The following TBC1D21 variants were observed in gnomAD, a reference collection of about 807,000 sequenced individuals.
TBC1D21 encodes male germ cell Rab GTPase-activating protein.
TBC1D21 carries 38 observed loss-of-function variants against 46.0 expected under a neutral mutation model. The observed-to-expected ratio is 0.83, with a 90% confidence interval of 0.64 to 1.08. The LOEUF is 1.08. Among genes scored for constraint, TBC1D21 ranks in the 50% least tolerant of loss-of-function variants. The probability of loss-of-function intolerance (pLI) is 0.00; values close to 1 mark genes in which losing one functional copy is unlikely to be tolerated. For missense variants in TBC1D21, 415 were observed against 417.9 expected (o/e 0.99, Z 0.06); for synonymous variants, 151 against 157.2 (o/e 0.96, Z 0.29).
At chr15:73,874,621 G>C (rs773731558) in intron 1 of TBC1D21, among the ~76,000 whole-genome samples, 2 of 152,112 alleles carry the variant, frequency 1.3e-5, no homozygotes, top group South Asian at 2.1e-4. Context: ...CCAGACAGGT[G>C]GGGTGCAAAA....
downstream of TBC1D21, among the ~76,000 whole-genome samples, chr15:73,893,163 T>C (rs1444153947): frequency 6.6e-6 from 1 of 151,840 alleles, no homozygotes; most frequent in Non-Finnish European, 1.5e-5. Context: ...GAGGAAAAGA[T>C]GAGATTCAAG....
the TBC1D21 span, among the ~76,000 whole-genome samples, chr15:73,905,749 G>C: frequency 6.6e-6 from 1 of 152,148 alleles, no homozygotes; most frequent in Non-Finnish European, 1.5e-5. Flanking sequence ...ACCCTGAGCA[G>C]ATTTGTGGGT....
rs770179442 is a variant in TBC1D21 at position 73,873,686 on chromosome 15, G to T, written c.-24G>T. On this transcript the variant is annotated 5_prime_UTR_variant, in exon 1 of 11. Transcript: ENST00000300504. ...GGCTCCAAGTGAGTTCTGATCAGAG[G>T]CTGTTCGGAAGACAGCAGGGGCCAT... The T allele has an allele frequency of 6.3e-7, 1 of 1,592,688 alleles. No individual in the cohort carries two copies. Among genetic ancestry groups the T allele is most frequent in the South Asian group, 1.1e-5 (1 of 88,134 alleles).
the TBC1D21 span, among the ~76,000 whole-genome samples, chr15:73,905,347 CT>C: frequency 2.0e-5 from 3 of 152,160 alleles, no homozygotes; most frequent in Admixed American, 2.0e-4. Context: ...CTGATTGTTT[CT>C]GAAATTCCCT....
At chr15:73,874,236 G>T (rs1023226824) in intron 1 of TBC1D21, among the ~76,000 whole-genome samples, 1 of 152,130 alleles carries the variant, frequency 6.6e-6, no homozygotes, top group Non-Finnish European at 1.5e-5. Context: ...AATAACTTTA[G>T]CCAATCTTAA....
At chr15:73,880,089 G>C (rs1256609908) in intron 1 of TBC1D21, among the ~76,000 whole-genome samples, 1 of 152,052 alleles carries the variant, frequency 6.6e-6, no homozygotes, top group South Asian at 2.1e-4. Context: ...TAGAGACAGG[G>C]TTTCACCATG....
the TBC1D21 span, among the ~76,000 whole-genome samples, chr15:73,900,361 C>T: frequency 3.9e-5 from 6 of 152,204 alleles, no homozygotes; most frequent in East Asian, 1.9e-4. Context: ...GCCTGGCACA[C>T]GAACCATGTA....
At chr15:73,898,880 A>AAAAAAAAAAATATATAT in the TBC1D21 span, among the ~76,000 whole-genome samples, 1 of 56,804 alleles carries the variant, frequency 1.8e-5, no homozygotes, top group East Asian at 3.6e-4. Context: ...AAAAAAAAAA[A>AAAAAAAAAAATATATAT]ATATATATAT....
intron 1 of TBC1D21, among the ~76,000 whole-genome samples, chr15:73,879,925 T>C (rs1230756269): frequency 6.6e-6 from 1 of 151,798 alleles, no homozygotes; most frequent in Non-Finnish European, 1.5e-5. Context: ...ATTATTATTA[T>C]GTGCTCTGTT....
the TBC1D21 span, among the ~76,000 whole-genome samples, chr15:73,903,308 A>G: frequency 6.6e-6 from 1 of 152,176 alleles, no homozygotes; most frequent in Non-Finnish European, 1.5e-5. Flanking sequence ...ACTGGCCCAC[A>G]TGGAATATCA....
Position 73,881,675 on chromosome 15 carries a change from G to A in TBC1D21, c.200G>A (p.Trp67Ter). ...CACCCCTTCGTGAGGACTGAAGCCT[G>A]GAAATTCCTCACGGGCTACTTCTCA... ...GLHPFVRTEAWKFLTGYFSWQ... is the reference protein window; with the variant it reads ...GLHPFVRTEA The change falls in exon 3 of 11, where the codon TGG becomes TAG. Residue 67 changes from tryptophan (W) to a stop codon, truncating the protein, a stop_gained. Transcript: ENST00000300504. LOFTEE classifies it high-confidence loss of function. 2 of 1,613,720 alleles carry A rather than the reference G, an allele frequency of 1.2e-6. No homozygotes were observed. Among genetic ancestry groups the A allele is most frequent in the Non-Finnish European group, 1.7e-6 (2 of 1,179,910 alleles).
At chr15:73,874,166 A>G (rs74828942) in intron 1 of TBC1D21, among the ~76,000 whole-genome samples, 1 of 152,362 alleles carries the variant, frequency 6.6e-6, no homozygotes, top group Non-Finnish European at 1.5e-5. Context: ...ATTTGTTAGA[A>G]GTCGGCTTCA....
In TBC1D21 at chr15:73,889,053, C is replaced by G. The variant is rs749777070; in HGVS notation, c.979-16C>G. On this transcript the variant is annotated splice_polypyrimidine_tract_variant and intron_variant, in intron 10 of 10. Coordinates refer to ENST00000300504, the MANE Select transcript of TBC1D21 (RefSeq NM_153356.3). The stretch of plus-strand genomic sequence containing the variant: ...CAGACCAATGTCTGTGCACCTCCCA[C>G]CTGCCTCCTCCCTAGGTTCCTCAGA... The G allele has an allele frequency of 6.2e-7, 1 of 1,613,392 alleles. No individual in the cohort carries two copies. Among genetic ancestry groups the G allele is most frequent in the Non-Finnish European group, 8.5e-7 (1 of 1,179,732 alleles).
Position 73,885,805 on chromosome 15 carries a change from T to TACACAC in TBC1D21, c.580-269_580-264dup, listed in dbSNP as rs1222395214. ...GTGAGCCACAGTTGAGAATCTCTAC[T>TACACAC]ACACACACATACACACACACACACA... On this transcript the variant is annotated intron_variant, in intron 6 of 10. Coordinates refer to ENST00000300504, the MANE Select transcript of TBC1D21 (RefSeq NM_153356.3). Among the ~76,000 whole-genome samples, 320 of 106,976 alleles carry TACACAC rather than the reference T, an allele frequency of 3.0e-3. 2 individuals carry two copies. Among genetic ancestry groups the TACACAC allele is most frequent in the African/African-American group, 9.6e-3 (300 of 31,216 alleles). 70.2% of individuals were successfully genotyped at this position (106,976 alleles called of 152,430 possible). A position where few individuals can be genotyped will look rare whatever the true frequency, so the allele number is the denominator to read the frequency against.
downstream of TBC1D21, among the ~76,000 whole-genome samples, chr15:73,889,653 A>G (rs536287501): frequency 3.2e-4 from 48 of 152,358 alleles, no homozygotes; most frequent in Admixed American, 1.4e-3. Flanking sequence ...GCCTGGAAGA[A>G]CTATCTGATG....
downstream of TBC1D21, among the ~76,000 whole-genome samples, chr15:73,891,421 C>T (rs754166555): frequency 9.2e-5 from 14 of 152,182 alleles, no homozygotes; most frequent in Non-Finnish European, 1.6e-4. Flanking sequence ...GCCATGATGC[C>T]AGCTGCAGTG....
chr15:73,898,022 A>G, the TBC1D21 span, among the ~76,000 whole-genome samples: 26 of 152,288 alleles, frequency 1.7e-4, no homozygotes, highest in Middle Eastern at 3.4e-3. Context: ...GTGAGTGGTC[A>G]TCATCATGGC....
At chr15:73,878,479 A>G (rs1380310073) in intron 1 of TBC1D21, among the ~76,000 whole-genome samples, 1 of 152,240 alleles carries the variant, frequency 6.6e-6, no homozygotes, top group African/African-American at 2.4e-5. Flanking sequence ...AGTACATTGT[A>G]TTTCTATTAG....
intron 7 of TBC1D21, 41 bp downstream of exon 7, chr15:73,886,215 G>A (rs1490209554): frequency 1.9e-6 from 3 of 1,566,172 alleles, no homozygotes; most frequent in Non-Finnish European, 2.6e-6. Context: ...GCACCCCCCA[G>A]GCATGGGAAG....
Sources: gnomAD v4.1 joint callset for allele counts (sites outside exome capture counted in the v4.1 genomes callset) on GRCh38, gnomAD v4.1.1 for gene constraint, MANE v1.5 for transcripts, NCBI Gene and HGNC (gene_info 2026-07-23, HGNC 2026-07-21) for gene names.